CNOT4: variants seen among roughly 807,000 people sequenced by gnomAD.
CNOT4 encodes the protein CCR4-associated factor 4.
Under a neutral mutation model 73.8 loss-of-function variants are expected in CNOT4, and 8 were observed. The observed-to-expected ratio is 0.11, with a 90% CI of 0.06 to 0.20. The LOEUF is 0.20. Ranked by LOEUF, CNOT4 falls within the 10% of genes least tolerant of loss-of-function variation. The pLI, the probability that CNOT4 is intolerant of heterozygous loss-of-function variation, is 1.00. For synonymous variants in CNOT4, 293 were observed against 321.1 expected, an observed-to-expected ratio of 0.91 and a Z score of 0.94; for missense variants, 564 against 883.4, an observed-to-expected ratio of 0.64 and a Z score of 4.58.
intron 10 of CNOT4, among the ~76,000 whole-genome samples, chr7:135,385,508 T>C (rs1203078451): frequency 6.6e-6 from 1 of 152,130 alleles, no homozygotes; most frequent in Non-Finnish European, 1.5e-5. Flanking sequence ...AGAGGTAAAA[T>C]GCATTAAAGT....
rs959703635 is a variant in CNOT4 at position 135,491,725 on chromosome 7, T to C, written c.-93+18164A>G. On this transcript the variant is annotated intron_variant, in intron 1 of 11. Coordinates refer to ENST00000541284, the MANE Select transcript of CNOT4 (RefSeq NM_001190850.2). ...CAATTGAGGGAAGATATTTTTATGA[T>C]GAAAAAAGTAACAGTATGCTTGTAT... 2.0e-5 allele frequency among the ~76,000 whole-genome samples: 3 copies of C among 152,040 alleles called. No homozygotes were observed. The East Asian group carries it at 5.8e-4, about 29-fold the overall frequency.
intron 1 of CNOT4, among the ~76,000 whole-genome samples, chr7:135,495,340 A>G (rs921298868): frequency 6.6e-6 from 1 of 151,930 alleles, no homozygotes; most frequent in Non-Finnish European, 1.5e-5. Context: ...CCCTGTCTCT[A>G]CTAAAAATAC....
At chr7:135,497,296 C>T (rs1803653452) in intron 1 of CNOT4, among the ~76,000 whole-genome samples, 1 of 152,064 alleles carries the variant, frequency 6.6e-6, no homozygotes, top group Admixed American at 6.5e-5. Flanking sequence ...GTAGTCCCAG[C>T]TACTCAAGAG....
At chr7:135,471,115 C>G (rs1380875664) in intron 1 of CNOT4, among the ~76,000 whole-genome samples, 2 of 152,074 alleles carry the variant, frequency 1.3e-5, no homozygotes, top group Non-Finnish European at 2.9e-5. Flanking sequence ...GAGGGAAGCA[C>G]CCAACAGTGG....
chr7:135,461,016 C>G lies in CNOT4; in HGVS notation c.-92-22593G>C, dbSNP rs558692418. ...GTAAAAATGTAAAAAGCATTTTTAGCTCATGGACTTTACAAAAAACAGTCC... is the reference window on the plus strand; with the variant it reads ...GTAAAAATGTAAAAAGCATTTTTAGGTCATGGACTTTACAAAAAACAGTCC... On this transcript the variant is annotated intron_variant, in intron 1 of 11. Coordinates refer to ENST00000541284, the MANE Select transcript of CNOT4 (RefSeq NM_001190850.2). Among the ~76,000 whole-genome samples, 10 of 152,252 alleles carry G rather than the reference C, an allele frequency of 6.6e-5. No individual in the cohort carries two copies. The South Asian group carries it at 1.4e-3, about 22-fold the overall frequency.
intron 2 of CNOT4, among the ~76,000 whole-genome samples, chr7:135,432,617 A>G (rs538175931): frequency 1.3e-5 from 2 of 152,108 alleles, no homozygotes; most frequent in Non-Finnish European, 2.9e-5. Flanking sequence ...TCCTTTCCCC[A>G]GGGGCTTCTC....
intron 1 of CNOT4, among the ~76,000 whole-genome samples, chr7:135,442,200 G>A (rs1193627716): frequency 1.3e-5 from 2 of 152,160 alleles, no homozygotes; most frequent in Non-Finnish European, 2.9e-5. Flanking sequence ...TCTGAACTAA[G>A]CTTTTAAAAT....
intron 9 of CNOT4, 119 bp from the exon 10 acceptor site, chr7:135,394,534 T>C (rs1001450830): frequency 3.8e-6 from 3 of 794,366 alleles, no homozygotes; most frequent in Non-Finnish European, 6.2e-6. Context: ...GTGCAAAATC[T>C]ATGTGACTTC....
At chr7:135,366,287 G>A (rs1794909336) in intron 10 of CNOT4, among the ~76,000 whole-genome samples, 1 of 152,100 alleles carries the variant, frequency 6.6e-6, no homozygotes, top group Non-Finnish European at 1.5e-5. Context: ...AATAACACTT[G>A]CATTTACATA....
At chr7:135,418,309 G>A (rs1170164742) in intron 3 of CNOT4, among the ~76,000 whole-genome samples, 1 of 152,216 alleles carries the variant, frequency 6.6e-6, no homozygotes, top group Non-Finnish European at 1.5e-5. Flanking sequence ...GTTATGGAGA[G>A]TAGACAGAGC....
chr7:135,477,924 C>T (rs1239394852), intron 1 of CNOT4, among the ~76,000 whole-genome samples: 2 of 151,944 alleles, frequency 1.3e-5, no homozygotes, highest in East Asian at 1.9e-4. Flanking sequence ...TATATGAATA[C>T]ACTATATGTA....
intron 7 of CNOT4, among the ~76,000 whole-genome samples, chr7:135,405,392 GC>G: frequency 6.6e-6 from 1 of 152,228 alleles, no homozygotes; most frequent in South Asian, 2.1e-4. Context: ...AACTAGGCCT[GC>G]TCACTGTCTT....
intron 2 of CNOT4, among the ~76,000 whole-genome samples, chr7:135,427,799 T>C (rs1174983994): frequency 1.3e-5 from 2 of 152,136 alleles, no homozygotes; most frequent in Non-Finnish European, 1.5e-5. Flanking sequence ...TAAAAATCTA[T>C]ACTGGAAAAA....
intron 10 of CNOT4, among the ~76,000 whole-genome samples, chr7:135,385,736 T>C (rs907068029): frequency 6.6e-6 from 1 of 152,196 alleles, no homozygotes; most frequent in Non-Finnish European, 1.5e-5. Context: ...TGAGAGATGA[T>C]AAATAATAAA....
intron 1 of CNOT4, among the ~76,000 whole-genome samples, chr7:135,499,436 C>T (rs1483227425): frequency 6.6e-6 from 1 of 151,964 alleles, no homozygotes; most frequent in East Asian, 1.9e-4. Context: ...CAAAGCACCC[C>T]CAAGGCCACT....
At chr7:135,406,427 A>G (rs994316941) in intron 7 of CNOT4, among the ~76,000 whole-genome samples, 1 of 151,732 alleles carries the variant, frequency 6.6e-6, no homozygotes, top group Non-Finnish European at 1.5e-5. Flanking sequence ...TGGGAGGCCA[A>G]GGCAGGCGAA....
intron 10 of CNOT4, among the ~76,000 whole-genome samples, chr7:135,374,355 G>T (rs1795400390): frequency 6.6e-6 from 1 of 151,116 alleles, no homozygotes; most frequent in Non-Finnish European, 1.5e-5. Flanking sequence ...AATATATATT[G>T]AATATATCTT....
chr7:135,376,426 C>T (rs1028341255), intron 10 of CNOT4, among the ~76,000 whole-genome samples: 8 of 152,020 alleles, frequency 5.3e-5, no homozygotes, highest in South Asian at 2.1e-4. Flanking sequence ...GCAGATCACT[C>T]GGGACTGGCC....
intron 1 of CNOT4, among the ~76,000 whole-genome samples, chr7:135,491,948 T>G (rs1026922016): frequency 6.6e-6 from 1 of 152,134 alleles, no homozygotes; most frequent in Non-Finnish European, 1.5e-5. Context: ...TATAGAAACA[T>G]AGAGAGTAAA....
Sources: allele counts gnomAD v4.1 joint callset (sites outside exome capture counted in the v4.1 genomes callset), GRCh38; gene constraint gnomAD v4.1.1; transcripts MANE v1.5; gene names NCBI Gene and HGNC (gene_info 2026-07-23, HGNC 2026-07-21).